Variants in MIPOL1 observed in about 807,000 individuals in gnomAD.
MIPOL1 encodes the protein mirror-image polydactyly gene 1 protein.
In MIPOL1, 57 loss-of-function variants were observed where a neutral mutation model predicts 60.9. The observed-to-expected ratio is 0.94, with a 90% confidence interval of 0.76 to 1.17. The LOEUF is 1.17. Among genes scored for constraint, MIPOL1 ranks in the 50% most tolerant of loss-of-function variants. The pLI is 0.00. For synonymous variants in MIPOL1, 179 were observed against 168.8 expected, an observed-to-expected ratio of 1.06 and a Z score of -0.47; for missense variants, 551 against 511.6, an observed-to-expected ratio of 1.08 and a Z score of -0.74.
At chr14:37,427,422 G>A (rs757705631) in intron 11 of MIPOL1, among the ~76,000 whole-genome samples, 3 of 152,122 alleles carry the variant, frequency 2.0e-5, no homozygotes, top group African/African-American at 7.2e-5. Flanking sequence ...AGGGGAATAC[G>A]GAGTTATAAG....
intron 11 of MIPOL1, among the ~76,000 whole-genome samples, chr14:37,436,803 A>G (rs1042078323): frequency 6.6e-6 from 1 of 152,202 alleles, no homozygotes; most frequent in South Asian, 2.1e-4. Context: ...ATGTTTACCT[A>G]TAGTTAGGTA....
At chr14:37,431,321 C>T (rs903502642) in intron 11 of MIPOL1, among the ~76,000 whole-genome samples, 1 of 152,040 alleles carries the variant, frequency 6.6e-6, no homozygotes, top group Non-Finnish European at 1.5e-5. Context: ...TTTTTCCTTG[C>T]AATCATTGTC....
chr14:37,244,440 G>GA (rs1207396898), intron 1 of MIPOL1, among the ~76,000 whole-genome samples: 1 of 151,664 alleles, frequency 6.6e-6, no homozygotes, highest in Non-Finnish European at 1.5e-5. Flanking sequence ...TTTATATACT[G>GA]AAAATTTTTC....
intron 11 of MIPOL1, among the ~76,000 whole-genome samples, chr14:37,455,694 T>C (rs540149910): frequency 1.1e-4 from 17 of 152,250 alleles, no homozygotes; most frequent in Admixed American, 7.2e-4. Flanking sequence ...CCAAATTCGA[T>C]TATTATCTGC....
intron 10 of MIPOL1, chr14:37,400,110 C>G (rs2180254): frequency 0.99 from 151,190 of 152,240 alleles, 75,082 homozygotes; most frequent in Middle Eastern, 1. Context: ...TAATCTCACA[C>G]GTTTTAGTGG....
chr14:37,420,139 G>A (rs564218012), intron 10 of MIPOL1, among the ~76,000 whole-genome samples: 14 of 151,058 alleles, frequency 9.3e-5, no homozygotes, highest in African/African-American at 3.4e-4. Context: ...TGTATAAAGC[G>A]CTATCAATTT....
At chr14:37,444,280 G>C (rs186180799) in intron 11 of MIPOL1, among the ~76,000 whole-genome samples, 1 of 152,052 alleles carries the variant, frequency 6.6e-6, no homozygotes, top group Admixed American at 6.6e-5. Flanking sequence ...ACTTATTCTA[G>C]TAGCTTTTTA....
chr14:37,355,883 G>A (rs945910681), intron 9 of MIPOL1, among the ~76,000 whole-genome samples: 10 of 148,226 alleles, frequency 6.7e-5, no homozygotes, highest in Non-Finnish European at 1.1e-4. Context: ...TAATTTGATC[G>A]TCTGAAGCCT....
chr14:37,490,494 G>T (rs749827265), intron 11 of MIPOL1, among the ~76,000 whole-genome samples: 30 of 152,110 alleles, frequency 2.0e-4, no homozygotes, highest in Non-Finnish European at 4.1e-4. Context: ...TGCCACCGGG[G>T]TATAGAAAAA....
chr14:37,506,369 C>T (rs1243818071), intron 12 of MIPOL1: 1 of 152,102 alleles, frequency 6.6e-6, no homozygotes, highest in African/African-American at 2.4e-5. Flanking sequence ...GCTACTATAA[C>T]CAAAACAGCA....
intron 12 of MIPOL1, among the ~76,000 whole-genome samples, chr14:37,520,651 TA>T (rs1450258846): frequency 3.9e-5 from 6 of 152,152 alleles, no homozygotes; most frequent in African/African-American, 9.7e-5. Flanking sequence ...GTTTTAAACA[TA>T]TTTTTTTGCA....
chr14:37,529,670 C>A (rs1307462642), intron 12 of MIPOL1, among the ~76,000 whole-genome samples: 2 of 152,108 alleles, frequency 1.3e-5, no homozygotes, highest in East Asian at 3.9e-4. Flanking sequence ...GGAAATTTAA[C>A]TTGGCCCTGT....
intron 10 of MIPOL1, among the ~76,000 whole-genome samples, chr14:37,409,670 C>T (rs1484629598): frequency 1.3e-5 from 2 of 152,130 alleles, no homozygotes; most frequent in African/African-American, 4.8e-5. Context: ...CCTGTAGTCC[C>T]AGCTACTTGG....
At chr14:37,417,968 C>T (rs1485597900) in intron 10 of MIPOL1, among the ~76,000 whole-genome samples, 2 of 152,026 alleles carry the variant, frequency 1.3e-5, no homozygotes, top group African/African-American at 2.4e-5. Flanking sequence ...CAACAATTTC[C>T]TCCTCTATAA....
At chr14:37,232,859 C>T (rs1970849789) in intron 1 of MIPOL1, among the ~76,000 whole-genome samples, 1 of 152,182 alleles carries the variant, frequency 6.6e-6, no homozygotes, top group African/African-American at 2.4e-5. Flanking sequence ...ATTGCTATAT[C>T]ATGCTGCCAA....
At chr14:37,434,975 A>G (rs1368029490) in intron 11 of MIPOL1, among the ~76,000 whole-genome samples, 1 of 152,162 alleles carries the variant, frequency 6.6e-6, no homozygotes, top group African/African-American at 2.4e-5. Context: ...CATTTCAACA[A>G]TTGACTAGGG....
Position 37,304,704 on chromosome 14 carries a change from G to A in MIPOL1, c.624-3352G>A, listed in dbSNP as rs112424475. On this transcript the variant is annotated intron_variant, in intron 7 of 12. Transcript: ENST00000684589. The stretch of plus-strand genomic sequence containing the variant: ...GAAAAGGGTGATATTGACTGATTTA[G>A]GGATAAATCAAGAAATGCGACATTT... Among the ~76,000 whole-genome samples, 341 of 151,878 alleles carry A rather than the reference G, an allele frequency of 2.2e-3. 2 individuals carry two copies. Among genetic ancestry groups the A allele is most frequent in the African/African-American group, 7.7e-3 (319 of 41,518 alleles).
At chr14:37,234,284 A>G (rs900959368) in intron 1 of MIPOL1, among the ~76,000 whole-genome samples, 2 of 151,848 alleles carry the variant, frequency 1.3e-5, no homozygotes, top group Non-Finnish European at 2.9e-5. Context: ...TCTTGAAAAT[A>G]GAGGTGAACA....
At chr14:37,375,987 T>C (rs570373389) in intron 10 of MIPOL1, among the ~76,000 whole-genome samples, 17 of 152,294 alleles carry the variant, frequency 1.1e-4, no homozygotes, top group African/African-American at 3.6e-4. Flanking sequence ...AGAATAAATG[T>C]TCTCTGGGTT....
Sources: gnomAD v4.1 joint callset for allele counts (sites outside exome capture counted in the v4.1 genomes callset) on GRCh38, gnomAD v4.1.1 for gene constraint, MANE v1.5 for transcripts, NCBI Gene and HGNC (gene_info 2026-07-23, HGNC 2026-07-21) for gene names.